The following DNAAF11 variants were observed in gnomAD, a reference collection of about 807,000 sequenced individuals.
DNAAF11 encodes the protein leucine rich repeat containing 6.
A neutral mutation model predicts 60.8 loss-of-function variants in DNAAF11; 45 were observed. That is an observed-to-expected ratio of 0.74 (90% CI 0.58 to 0.95). The LOEUF is 0.95. Ranked by LOEUF, DNAAF11 falls within the 40% of genes least tolerant of loss-of-function variation. The pLI, the probability that DNAAF11 is intolerant of heterozygous loss-of-function variation, is 0.00. For synonymous variants in DNAAF11, 191 were observed against 183.5 expected (o/e 1.04, Z -0.33); for missense variants, 546 against 546.2 (o/e 1.00, Z 0.00).
intron 10 of DNAAF11, among the ~76,000 whole-genome samples, chr8:132,609,117 G>A (rs1264852507): frequency 6.6e-6 from 1 of 152,124 alleles, no homozygotes; most frequent in Admixed American, 6.6e-5. Flanking sequence ...CTTATGGGAT[G>A]AGGTATGATT....
At position 132,572,302 on chromosome 8, in the gene DNAAF11, T is replaced by C. The variant is rs1188339033; in HGVS notation, c.*4A>G. On this transcript the variant is annotated 3_prime_UTR_variant, in exon 12 of 12. Transcript: ENST00000620350. ...CTCAGCCAATGGCAACGCAGCCAGATGTTTCAAATCAGCGGAGGCACTTCA... is the reference window on the plus strand; with the variant it reads ...CTCAGCCAATGGCAACGCAGCCAGACGTTTCAAATCAGCGGAGGCACTTCA... 1 of 1,611,772 alleles carries C rather than the reference T, an allele frequency of 6.2e-7. No homozygotes were observed. The highest frequency in any genetic ancestry group is 1.1e-5 in the South Asian group (1 of 90,606).
chr8:132,649,406 TA>T (rs1822763532), intron 3 of DNAAF11, among the ~76,000 whole-genome samples: 1 of 152,134 alleles, frequency 6.6e-6, no homozygotes, highest in African/African-American at 2.4e-5. Context: ...CCTAAAACCA[TA>T]AAAACCCTAG....
chr8:132,620,390 A>C (rs1819630926), intron 7 of DNAAF11, among the ~76,000 whole-genome samples: 1 of 152,176 alleles, frequency 6.6e-6, no homozygotes, highest in Non-Finnish European at 1.5e-5. Flanking sequence ...GCAGGAGTGC[A>C]GTGGCGTGAT....
At chr8:132,585,465 T>C (rs1370075880) in intron 10 of DNAAF11, among the ~76,000 whole-genome samples, 1 of 152,142 alleles carries the variant, frequency 6.6e-6, no homozygotes, top group African/African-American at 2.4e-5. Flanking sequence ...AATATAAGCT[T>C]TGAACACTAG....
chr8:132,699,167 G>C, the DNAAF11 span, among the ~76,000 whole-genome samples: 1 of 151,730 alleles, frequency 6.6e-6, no homozygotes, highest in Non-Finnish European at 1.5e-5. Context: ...TTCTGATAAT[G>C]AGATAGTTGT....
intron 11 of DNAAF11, among the ~76,000 whole-genome samples, chr8:132,572,841 C>T (rs749704204): frequency 6.6e-6 from 1 of 152,194 alleles, no homozygotes; most frequent in African/African-American, 2.4e-5. Context: ...CTGAATCCTT[C>T]CAGGCAGCTC....
chr8:132,578,017 A>C (rs971441387), intron 11 of DNAAF11, among the ~76,000 whole-genome samples: 1 of 152,110 alleles, frequency 6.6e-6, no homozygotes, highest in Non-Finnish European at 1.5e-5. Flanking sequence ...TAGGAAGTTC[A>C]AACACCTTCA....
chr8:132,643,004 T>C (rs935200067), intron 3 of DNAAF11, among the ~76,000 whole-genome samples: 2 of 152,174 alleles, frequency 1.3e-5, no homozygotes, highest in Admixed American at 1.3e-4. Context: ...CATCAGGCAT[T>C]AGTTCTCATA....
At chr8:132,656,965 T>C (rs945581289) in intron 2 of DNAAF11, 58 bp from the exon 3 acceptor site, 8 of 603,192 alleles carry the variant, frequency 1.3e-5, no homozygotes, top group Non-Finnish European at 2.1e-5. Flanking sequence ...GACACTTTTA[T>C]GTAATCTATT....
At chr8:132,666,290 T>C (rs1398559695) in intron 1 of DNAAF11, among the ~76,000 whole-genome samples, 1 of 152,188 alleles carries the variant, frequency 6.6e-6, no homozygotes, top group African/African-American at 2.4e-5. Context: ...AAGGACGATA[T>C]TGAAAGTTTC....
At chr8:132,604,916 A>C (rs1564010255) in intron 10 of DNAAF11, among the ~76,000 whole-genome samples, 2 of 152,280 alleles carry the variant, frequency 1.3e-5, no homozygotes, top group South Asian at 2.1e-4. Context: ...TGAATATCCA[A>C]TTTTGATAAT....
chr8:132,666,504 A>G (rs532476724), intron 1 of DNAAF11, among the ~76,000 whole-genome samples: 2 of 152,310 alleles, frequency 1.3e-5, no homozygotes, highest in Admixed American at 1.3e-4. Flanking sequence ...AATTAAGGAG[A>G]GGCAGTGACA....
intron 11 of DNAAF11, among the ~76,000 whole-genome samples, chr8:132,577,434 T>A (rs1814865018): frequency 1.3e-5 from 2 of 152,214 alleles, no homozygotes; most frequent in African/African-American, 4.8e-5. Flanking sequence ...ACAAGTCAGG[T>A]CCAAATGTCA....
chr8:132,637,810 T>C, intron 4 of DNAAF11, 125 bp downstream of exon 4: 1 of 721,036 alleles, frequency 1.4e-6, no homozygotes, highest in Middle Eastern at 3.8e-4. Flanking sequence ...ATAATTACTT[T>C]GGGCTCTCTG....
At chr8:132,696,039 A>G in the DNAAF11 span, among the ~76,000 whole-genome samples, 1 of 152,188 alleles carries the variant, frequency 6.6e-6, no homozygotes, top group Non-Finnish European at 1.5e-5. Context: ...GGAATGTTCG[A>G]TATTGATGGC....
At chr8:132,621,398 G>A (rs1414977467) in intron 7 of DNAAF11, among the ~76,000 whole-genome samples, 1 of 152,150 alleles carries the variant, frequency 6.6e-6, no homozygotes, top group Non-Finnish European at 1.5e-5. Context: ...CCTGGGAGGG[G>A]AGGAACAGGG....
chr8:132,647,431 A>G (rs1822512735), intron 3 of DNAAF11, among the ~76,000 whole-genome samples: 1 of 152,248 alleles, frequency 6.6e-6, no homozygotes, highest in Non-Finnish European at 1.5e-5. Context: ...TCTAAAATTG[A>G]CACCCTAACG....
intron 10 of DNAAF11, among the ~76,000 whole-genome samples, chr8:132,601,675 A>G (rs1047325388): frequency 3.9e-5 from 6 of 152,250 alleles, no homozygotes; most frequent in Non-Finnish European, 8.8e-5. Flanking sequence ...CACAAGGACA[A>G]AAAACCAAAC....
chr8:132,676,274 G>T (rs187515786), upstream of DNAAF11, among the ~76,000 whole-genome samples: 340 of 152,192 alleles, frequency 2.2e-3, 3 homozygotes, highest in African/African-American at 7.4e-3. Flanking sequence ...TTCTCCAAAA[G>T]TGTGCAACGC....
Sources: allele counts gnomAD v4.1 joint callset (sites outside exome capture counted in the v4.1 genomes callset), GRCh38; gene constraint gnomAD v4.1.1; transcripts MANE v1.5; gene names NCBI Gene and HGNC (gene_info 2026-07-23, HGNC 2026-07-21).